Variants in DMGDH observed in about 807,000 individuals in gnomAD.
DMGDH encodes dimethylglycine dehydrogenase.
DMGDH carries 76 observed loss-of-function variants against 95.2 expected under a neutral mutation model. The observed-to-expected ratio is 0.80, with a 90% CI of 0.66 to 0.97. The LOEUF is 0.97. Ranked by LOEUF, DMGDH falls within the 50% of genes least tolerant of loss-of-function variation. The probability of loss-of-function intolerance (pLI) is 0.00; values close to 1 mark genes in which losing one functional copy is unlikely to be tolerated. For synonymous variants in DMGDH, 345 were observed against 377.6 expected, an observed-to-expected ratio of 0.91 and a Z score of 1.00; for missense variants, 987 against 1,055.0, an observed-to-expected ratio of 0.94 and a Z score of 0.89.
At position 79,006,850 on chromosome 5, in the gene DMGDH, C is replaced by CCCCCCCT. The variant is rs142991064; in HGVS notation, c.2251-1444_2251-1443insAGGGGGG. 2.0e-5 allele frequency among the ~76,000 whole-genome samples: 3 copies of CCCCCCCT among 147,568 alleles called. 1 individual carries two copies. The highest frequency in any genetic ancestry group is 2.0e-4 in the Admixed American group (3 of 14,784). The stretch of plus-strand genomic sequence containing the variant: ...CTCACACACCCTCACCTGAGACCCC[C>CCCCCCCT]CCAGTCCATTCCTTTCCTAGTTTAG... On this transcript the variant is annotated intron_variant, in intron 14 of 15. Transcript: ENST00000255189.
intron 15 of DMGDH, chr5:79,000,365 C>T (rs1240879446): frequency 7.7e-6 from 5 of 649,688 alleles, no homozygotes; most frequent in Admixed American, 3.6e-5. Flanking sequence ...TCACAATATA[C>T]TCTGTAGGCA....
intron 2 of DMGDH, among the ~76,000 whole-genome samples, chr5:79,057,689 G>A (rs1276232804): frequency 6.6e-6 from 1 of 152,124 alleles, no homozygotes; most frequent in Non-Finnish European, 1.5e-5. Context: ...CAGTGTGCAT[G>A]CAAACTTTCC....
At position 79,028,774 on chromosome 5, in the gene DMGDH, A is replaced by G; in HGVS notation, c.1815-124T>C. On this transcript the variant is annotated intron_variant, in intron 11 of 15. Coordinates refer to ENST00000255189, the MANE Select transcript of DMGDH (RefSeq NM_013391.3). ...CAGAAAGTCCCCAGAGTGTCATTTC[A>G]TGAAATCACACTGATTTTTAAAGTT... 5.7e-6 allele frequency: 6 copies of G among 1,058,394 alleles called. No individual in the cohort carries two copies. The South Asian group carries it at 8.1e-5, about 14-fold the overall frequency. 65.6% of individuals were successfully genotyped at this position (1,058,394 alleles called of 1,614,324 possible).
intron 12 of DMGDH, 24 bp downstream of exon 12, chr5:79,028,409 G>C (rs753014331): frequency 6.4e-7 from 1 of 1,565,628 alleles, no homozygotes; most frequent in African/African-American, 1.4e-5. Flanking sequence ...CAGAGACTTA[G>C]TCCAGGTTGT....
intron 14 of DMGDH, among the ~76,000 whole-genome samples, chr5:79,014,368 GC>G (rs902496347): frequency 1.3e-5 from 2 of 152,014 alleles, no homozygotes; most frequent in Non-Finnish European, 2.9e-5. Context: ...TGGACCTGTG[GC>G]TTTATCAGAT....
chr5:79,054,026 C>T (rs998603752), intron 4 of DMGDH, among the ~76,000 whole-genome samples, 158 bp downstream of exon 4: 3 of 152,056 alleles, frequency 2.0e-5, no homozygotes, highest in Non-Finnish European at 2.9e-5. Flanking sequence ...TATATAACAG[C>T]CTATCTTGTA....
intron 7 of DMGDH, among the ~76,000 whole-genome samples, chr5:79,036,896 GA>G (rs1243531231): frequency 1.3e-5 from 2 of 152,000 alleles, no homozygotes; most frequent in Non-Finnish European, 1.5e-5. Context: ...ACGGTATTTA[GA>G]GATGGTACTC....
chr5:79,016,464 G>C (rs1753736778), intron 14 of DMGDH, among the ~76,000 whole-genome samples: 1 of 151,948 alleles, frequency 6.6e-6, no homozygotes, highest in Non-Finnish European at 1.5e-5. Context: ...ACTGAAAATT[G>C]AAATTAAAAA....
Position 79,001,223 on chromosome 5 carries a change from C to T in DMGDH, c.2386-2926G>A, listed in dbSNP as rs113579075. The T allele has an allele frequency of 3.4e-4, 114 of 336,170 alleles. 2 individuals carry two copies. Among genetic ancestry groups the T allele is most frequent in the African/African-American group, 1.5e-3 (70 of 46,708 alleles). 20.8% of individuals were successfully genotyped at this position (336,170 alleles called of 1,614,324 possible). A position where few individuals can be genotyped will look rare whatever the true frequency, so the allele number is the denominator to read the frequency against. On this transcript the variant is annotated intron_variant, in intron 15 of 15. Transcript: ENST00000255189. ...TGTTGCCCCAGCTGGAGTGCAGAGG[C>T]GCAATCTTGGCTCTCTGCAACATCT...
chr5:79,041,345 C>T (rs1754501324), intron 7 of DMGDH, among the ~76,000 whole-genome samples: 1 of 151,842 alleles, frequency 6.6e-6, no homozygotes. Flanking sequence ...AATAAATGGC[C>T]AAATAAAATG....
chr5:79,026,549 C>T lies in DMGDH; in HGVS notation c.2065G>A (p.Glu689Lys). The T allele has an allele frequency of 6.2e-7, 1 of 1,614,162 alleles. No homozygotes were observed. The highest frequency in any genetic ancestry group is 8.5e-7 in the Non-Finnish European group (1 of 1,180,032). The change falls in exon 13 of 16, where the codon GAA becomes AAA. Residue 689 changes from glutamate to lysine, a missense_variant. Transcript: ENST00000255189. The stretch of plus-strand genomic sequence containing the variant: ...GCGTCATACAGCGCCACAGAATCTT[C>T]TCTTCTGTGATACAGCTCCCAACCC... ...ELGWELYHRR[E>K]DSVALYDAIM... is the part of the protein sequence containing the mutation.
chr5:79,001,944 T>C (rs1445122503), intron 15 of DMGDH, among the ~76,000 whole-genome samples: 14 of 152,236 alleles, frequency 9.2e-5, no homozygotes, highest in Admixed American at 8.5e-4. Flanking sequence ...CAGGTTCAAT[T>C]AGATCCATTC....
chr5:78,999,282 C>T (rs1028543123), intron 15 of DMGDH, among the ~76,000 whole-genome samples: 6 of 152,182 alleles, frequency 3.9e-5, no homozygotes, highest in Non-Finnish European at 8.8e-5. Context: ...GTTTTTAATT[C>T]TCTCTTTGAA....
At chr5:79,015,712 C>G (rs888902706) in intron 14 of DMGDH, among the ~76,000 whole-genome samples, 9 of 152,134 alleles carry the variant, frequency 5.9e-5, no homozygotes, top group African/African-American at 2.2e-4. Flanking sequence ...ATGGCAAGCT[C>G]TAAGTGCTGT....
At chr5:79,034,926 G>A (rs1754298125) in intron 7 of DMGDH, among the ~76,000 whole-genome samples, 1 of 151,246 alleles carries the variant, frequency 6.6e-6, no homozygotes, top group African/African-American at 2.4e-5. Flanking sequence ...GCGTGTTGGC[G>A]GGCGCCTGTA....
chr5:79,033,065 C>T (rs996147712), intron 8 of DMGDH, among the ~76,000 whole-genome samples, 174 bp downstream of exon 8: 1 of 152,084 alleles, frequency 6.6e-6, no homozygotes, highest in African/African-American at 2.4e-5. Flanking sequence ...AGGCATTCCA[C>T]GTGTTAAATA....
chr5:79,031,949 G>C (rs987388217), intron 9 of DMGDH, among the ~76,000 whole-genome samples: 5 of 152,192 alleles, frequency 3.3e-5, no homozygotes, highest in Non-Finnish European at 7.3e-5. Context: ...CGGGTTCTCT[G>C]CTATACTTTG....
In DMGDH at chr5:79,044,556, A is replaced by T. The variant is rs1267743472; in HGVS notation, c.746-4T>A. ...CCTACTTCACGAGCCCAAAATCCTT[A>T]AACAAAAAAATCATTTAAAAGTGTC... On this transcript the variant is annotated splice_polypyrimidine_tract_variant and splice_region_variant and intron_variant, in intron 5 of 15. Transcript: ENST00000255189. 6.2e-7 allele frequency: 1 copy of T among 1,613,912 alleles called. No homozygotes were observed. The highest frequency in any genetic ancestry group is 1.7e-5 in the Admixed American group (1 of 60,016).
In DMGDH at chr5:79,054,184, C is replaced by T. The variant is rs897494175; in HGVS notation, c.540G>A (p.Lys180=). The T allele has an allele frequency of 4.3e-6, 7 of 1,613,496 alleles. No individual in the cohort carries two copies. Among genetic ancestry groups the T allele is most frequent in the Admixed American group, 3.3e-5 (2 of 59,990 alleles). The stretch of plus-strand genomic sequence containing the variant: ...GTAAAAATGCCCTTAAGATAAATAC[C>T]TTATTCATGTTGAGTAAAGGGAACA... The part of the protein sequence containing the change: ...QEMFPLLNMN[K]VLAGLYNPGD... Residue 180 remains lysine (K), a splice_region_variant and synonymous_variant, in exon 4 of 16, where the codon AAG becomes AAA. Transcript: ENST00000255189.
Sources: allele counts gnomAD v4.1 joint callset (sites outside exome capture counted in the v4.1 genomes callset), GRCh38; gene constraint gnomAD v4.1.1; transcripts MANE v1.5; gene names NCBI Gene and HGNC (gene_info 2026-07-23, HGNC 2026-07-21).